Variants in HERC4 observed in about 807,000 individuals in gnomAD.
HERC4 encodes probable E3 ubiquitin-protein ligase HERC4.
In HERC4, 28 loss-of-function variants were observed where a neutral mutation model predicts 124.3. The ratio of observed to expected loss-of-function variants is 0.23; its 90% CI spans 0.17 to 0.31. The LOEUF is 0.31. Among genes scored for constraint, HERC4 ranks in the 10% least tolerant of loss-of-function variants. The probability of loss-of-function intolerance (pLI) is 1.00; values close to 1 mark genes in which losing one functional copy is unlikely to be tolerated. For missense variants in HERC4, 713 were observed against 1,229.3 expected, an observed-to-expected ratio of 0.58 and a Z score of 6.28; for synonymous variants, 407 against 421.5, an observed-to-expected ratio of 0.97 and a Z score of 0.42.
intron 9 of HERC4, among the ~76,000 whole-genome samples, chr10:68,001,245 A>T (rs2037212977): frequency 6.6e-6 from 1 of 151,934 alleles, no homozygotes; most frequent in African/African-American, 2.4e-5. Flanking sequence ...GGTAGCAAAC[A>T]CCTGTAGTTC....
chr10:67,991,174 A>G lies in HERC4; in HGVS notation c.1297T>C (p.Ser433Pro), dbSNP rs753749500. 1 of 1,547,004 alleles carries G rather than the reference A, an allele frequency of 6.5e-7. No homozygotes were observed. Among genetic ancestry groups the G allele is most frequent in the Non-Finnish European group, 8.7e-7 (1 of 1,146,582 alleles). The change falls in exon 12 of 25, where the codon TCT becomes CCT. Residue 433 changes from serine (S) to proline (P), a missense_variant. By Grantham distance (74) the Ser-to-Pro change is moderately conservative. Transcript: ENST00000373700. ...AAAAAACTTCCATTTAGGCAACCAGAGGAAGAAAACGTTCCATCTATCTCA... is the reference window on the plus strand; with the variant it reads ...AAAAAACTTCCATTTAGGCAACCAGGGGAAGAAAACGTTCCATCTATCTCA... ...ANEIDGTFSS[S>P]GCLNGSFLAV...
chr10:68,055,793 C>G (rs1478322115), intron 3 of HERC4, among the ~76,000 whole-genome samples: 1 of 151,302 alleles, frequency 6.6e-6, no homozygotes, highest in East Asian at 1.9e-4. Context: ...GCTCTGTAAC[C>G]CAGGCTGTAG....
At position 67,923,051 on chromosome 10, in the gene HERC4, A is replaced by T. The variant is rs1163374936; in HGVS notation, c.3030T>A (p.Tyr1010Ter). 6.2e-7 allele frequency: 1 copy of T among 1,613,690 alleles called. No individual in the cohort carries two copies. The highest frequency in any genetic ancestry group is 1.7e-5 in the Admixed American group (1 of 60,026). The change falls in exon 25 of 25, where the codon TAT (tyrosine) becomes TAA (stop). Residue 1010 changes from tyrosine to a stop codon, truncating the protein, a stop_gained. Transcript: ENST00000373700. LOFTEE classifies it high-confidence loss of function. ...TAAAACAAGTATGGGAAACTGGGAG[A>T]TACTCCTCACCACCTCCTGTGGACT... ...VIQSTGGGEE[Y>*]LPVSHTCFNL...
At chr10:68,026,187 G>C (rs1250625366) in intron 7 of HERC4, among the ~76,000 whole-genome samples, 1 of 152,038 alleles carries the variant, frequency 6.6e-6, no homozygotes. Context: ...CCTCAACCTC[G>C]TGGGCTCAGG....
chr10:67,993,620 T>C (rs959178929), intron 9 of HERC4: 1 of 151,930 alleles, frequency 6.6e-6, no homozygotes, highest in East Asian at 1.9e-4. Flanking sequence ...TTTTTCAATA[T>C]AGGTGTACAA....
At chr10:68,061,396 C>T (rs1487656244) in intron 3 of HERC4, among the ~76,000 whole-genome samples, 1 of 151,612 alleles carries the variant, frequency 6.6e-6, no homozygotes, top group Non-Finnish European at 1.5e-5. Context: ...AGCCGGGAGT[C>T]ATGGCAGGCA....
chr10:68,014,264 C>A, intron 8 of HERC4, 78 bp from the exon 9 acceptor site: 1 of 1,263,202 alleles, frequency 7.9e-7, no homozygotes, highest in Non-Finnish European at 1.1e-6. Context: ...GAGAAAATAT[C>A]AAAAGAGGTA....
chr10:67,978,318 T>C (rs2035721388), intron 15 of HERC4, among the ~76,000 whole-genome samples: 1 of 152,190 alleles, frequency 6.6e-6, no homozygotes, highest in Admixed American at 6.5e-5. Context: ...ACTGGCAGTA[T>C]TCTGGCAGTA....
At chr10:68,024,837 C>G (rs2133262122) in intron 8 of HERC4, among the ~76,000 whole-genome samples, 1 of 152,264 alleles carries the variant, frequency 6.6e-6, no homozygotes, top group Admixed American at 6.5e-5. Flanking sequence ...AAAGACTCTT[C>G]TATTTATTCC....
intron 3 of HERC4, among the ~76,000 whole-genome samples, chr10:68,063,205 ATTTAC>A (rs1029422110): frequency 1.3e-5 from 2 of 151,722 alleles, no homozygotes; most frequent in Non-Finnish European, 2.9e-5. Context: ...CATTTTATTT[ATTTAC>A]TTTATTATTT....
chr10:67,989,966 T>G (rs939909543), intron 14 of HERC4, among the ~76,000 whole-genome samples: 6 of 152,056 alleles, frequency 3.9e-5, no homozygotes, highest in Non-Finnish European at 7.4e-5. Flanking sequence ...GTTTTTAACT[T>G]TCCTAATACT....
intron 3 of HERC4, among the ~76,000 whole-genome samples, chr10:68,045,100 C>A (rs141792144): frequency 6.6e-6 from 1 of 152,168 alleles, no homozygotes; most frequent in African/African-American, 2.4e-5. Context: ...GAGGGCGGAT[C>A]GCTTTAGGTC....
chr10:67,954,917 C>T, intron 18 of HERC4, 46 bp downstream of exon 18: 1 of 1,516,826 alleles, frequency 6.6e-7, no homozygotes, highest in Non-Finnish European at 8.8e-7. Context: ...TTAAACATAG[C>T]TTCTGAATAA....
intron 3 of HERC4, among the ~76,000 whole-genome samples, chr10:68,047,691 C>A (rs957058253): frequency 6.6e-6 from 1 of 152,100 alleles, no homozygotes; most frequent in African/African-American, 2.4e-5. Context: ...CCACTACACA[C>A]CTATTAGAAC....
At position 67,989,202 on chromosome 10, in the gene HERC4, T is replaced by C. The variant is rs112467862; in HGVS notation, c.1634-367A>G. ...TTTAAACAAAACATCCTTTAAATTG[T>C]ATTGCTCTAATACTAAAGGATCTTT... On this transcript the variant is annotated intron_variant, in intron 14 of 24. Transcript: ENST00000373700. Among the ~76,000 whole-genome samples, 1,302 of 152,220 alleles carry C rather than the reference T, an allele frequency of 8.6e-3. 9 individuals carry two copies. The highest frequency in any genetic ancestry group is 0.014 in the Non-Finnish European group (923 of 67,908).
At chr10:68,032,454 T>G (rs911199658) in intron 7 of HERC4, among the ~76,000 whole-genome samples, 1 of 152,222 alleles carries the variant, frequency 6.6e-6, no homozygotes, top group African/African-American at 2.4e-5. Flanking sequence ...GATGCATATA[T>G]CATGGCAAGC....
chr10:68,013,451 AT>A (rs2038084693), intron 9 of HERC4, among the ~76,000 whole-genome samples: 1 of 152,230 alleles, frequency 6.6e-6, no homozygotes, highest in African/African-American at 2.4e-5. Flanking sequence ...TGAGGACGTT[AT>A]GCTTAGTGAA....
At chr10:67,945,568 T>C (rs1169207663) in intron 19 of HERC4, among the ~76,000 whole-genome samples, 1 of 152,128 alleles carries the variant, frequency 6.6e-6, no homozygotes, top group Non-Finnish European at 1.5e-5. Flanking sequence ...ACACTCTAAT[T>C]GTGGTGTATA....
chr10:68,054,637 C>T (rs912800448), intron 3 of HERC4, among the ~76,000 whole-genome samples: 3 of 152,150 alleles, frequency 2.0e-5, no homozygotes, highest in African/African-American at 7.2e-5. Flanking sequence ...AGACATATAT[C>T]TGTCCCATTT....
Sources: allele counts gnomAD v4.1 joint callset (sites outside exome capture counted in the v4.1 genomes callset), GRCh38; gene constraint gnomAD v4.1.1; transcripts MANE v1.5; gene names NCBI Gene and HGNC (gene_info 2026-07-23, HGNC 2026-07-21).